Variants in SUPT4H1 observed in about 807,000 individuals in gnomAD.
SUPT4H1 encodes the protein SPT4 homolog, DSIF elongation factor subunit.
SUPT4H1 carries 12 observed loss-of-function variants against 19.4 expected under a neutral mutation model. The ratio of observed to expected loss-of-function variants is 0.62; its 90% CI spans 0.40 to 1.00. SUPT4H1 has a LOEUF of 1.00. Ranked by LOEUF, SUPT4H1 falls within the 50% of genes least tolerant of loss-of-function variation. The probability of loss-of-function intolerance (pLI) is 0.00; values close to 1 mark genes in which losing one functional copy is unlikely to be tolerated. For missense variants in SUPT4H1, 115 were observed against 149.2 expected, an observed-to-expected ratio of 0.77 and a Z score of 1.19; for synonymous variants, 58 against 56.3, an observed-to-expected ratio of 1.03 and a Z score of -0.14.
At chr17:58,350,109 C>T (rs1421255459) in intron 2 of SUPT4H1, among the ~76,000 whole-genome samples, 1 of 152,104 alleles carries the variant, frequency 6.6e-6, no homozygotes, top group Admixed American at 6.5e-5. Flanking sequence ...ATGGCAAAAC[C>T]CTGTCTCTAC....
In SUPT4H1 at chr17:58,345,620, G is replaced by A. The variant is rs114597008; in HGVS notation, c.*626C>T. On this transcript the variant is annotated 3_prime_UTR_variant, in exon 5 of 5. Coordinates refer to ENST00000225504, the MANE Select transcript of SUPT4H1 (RefSeq NM_003168.3). Reference sequence around the variant, plus strand: ...GGAAGAATTATTAAACATGGTCAAGGAGCACTCTACAAAGCCTCAGGATTT... The same window carrying A: ...GGAAGAATTATTAAACATGGTCAAGAAGCACTCTACAAAGCCTCAGGATTT... 2,751 of 152,394 alleles carry A rather than the reference G, an allele frequency of 0.018. 75 individuals carry two copies. The highest frequency in any genetic ancestry group is 0.063 in the African/African-American group (2,592 of 41,464). 9.4% of individuals were successfully genotyped at this position (152,394 alleles called of 1,614,324 possible). A position where few individuals can be genotyped will look rare whatever the true frequency, so the allele number is the denominator to read the frequency against.
chr17:58,346,370 C>CT, intron 4 of SUPT4H1, 57 bp from the exon 5 acceptor site: 3 of 1,445,874 alleles, frequency 2.1e-6, no homozygotes, highest in African/African-American at 2.8e-5. Flanking sequence ...TAAGATAGGC[C>CT]ACTCAGCTGC....
At chr17:58,346,717 T>TCA (rs1972303412) in intron 4 of SUPT4H1, among the ~76,000 whole-genome samples, 1 of 32,722 alleles carries the variant, frequency 3.1e-5, no homozygotes, top group African/African-American at 9.6e-5. Context: ...AGACTCTGTC[T>TCA]CAAAAAAAAA....
rs539608417 is a variant in SUPT4H1 at position 58,345,680 on chromosome 17, C to T, written c.*566G>A. 1.3e-5 allele frequency: 2 copies of T among 152,598 alleles called. No homozygotes were observed. The highest frequency in any genetic ancestry group is 2.9e-5 in the Non-Finnish European group (2 of 68,356). The allele number at this position is 152,598 out of a possible 1,614,324, so 9.5% of individuals were successfully genotyped here. On this transcript the variant is annotated 3_prime_UTR_variant, in exon 5 of 5. Transcript: ENST00000225504. ...ATACTGCTGTGCCAGGTCTCGAGGG[C>T]AGAAGGATACAAGTGTGAGACACCA...
At chr17:58,348,756 T>C (rs1972385256) in intron 2 of SUPT4H1, among the ~76,000 whole-genome samples, 1 of 152,022 alleles carries the variant, frequency 6.6e-6, no homozygotes, top group Non-Finnish European at 1.5e-5. Flanking sequence ...CCCAAACTTC[T>C]TGCCTTAAGA....
chr17:58,346,151 A>G lies in SUPT4H1; in HGVS notation c.*95T>C. 1.0e-6 allele frequency: 1 copy of G among 968,402 alleles called. No individual in the cohort carries two copies. The highest frequency in any genetic ancestry group is 1.7e-6 in the Non-Finnish European group (1 of 599,910). The allele number at this position is 968,402 out of a possible 1,614,324, so 60.0% of individuals were successfully genotyped here. A position where few individuals can be genotyped will look rare whatever the true frequency, so the allele number is the denominator to read the frequency against. ...GTCAGCTGAGTCTGAATTGGAGGGT[A>G]GGAAGTATTTGAAGTTCTGTTCATT... On this transcript the variant is annotated 3_prime_UTR_variant, in exon 5 of 5. Transcript: ENST00000225504.
chr17:58,347,685 C>T, intron 2 of SUPT4H1, 101 bp from the exon 3 acceptor site: 1 of 1,186,462 alleles, frequency 8.4e-7, no homozygotes, highest in Non-Finnish European at 1.2e-6. Flanking sequence ...CGAGTCTCCA[C>T]TGGAAAGCTG....
In SUPT4H1 at chr17:58,351,435, ATCTCTCGGT is replaced by A; in HGVS notation, c.134_142del (p.Asn45_Glu47del). On this transcript the variant is annotated inframe_deletion, in exon 2 of 5. Coordinates refer to ENST00000225504, the MANE Select transcript of SUPT4H1 (RefSeq NM_003168.3). ...GGAAGAGCTAGTGCAGTCATATACCATCTCTCGGTTACCCTTCATTTGTAGATATGCATC... is the reference window on the plus strand; with the variant it reads ...GGAAGAGCTAGTGCAGTCATATACCATACCCTTCATTTGTAGATATGCATC... 6.2e-7 allele frequency: 1 copy of A among 1,613,880 alleles called. No homozygotes were observed. The highest frequency in any genetic ancestry group is 8.5e-7 in the Non-Finnish European group (1 of 1,179,880).
chr17:58,347,360 G>T, intron 3 of SUPT4H1, 119 bp from the exon 4 acceptor site: 1 of 1,360,858 alleles, frequency 7.3e-7, no homozygotes, highest in Non-Finnish European at 1.1e-6. Flanking sequence ...CCCTCTTTTG[G>T]CTACAAGTGT....
At position 58,345,814 on chromosome 17, in the gene SUPT4H1, GGGA is replaced by G. The variant is rs968224242; in HGVS notation, c.*429_*431del. The G allele has an allele frequency of 2.5e-5, 4 of 157,052 alleles. No homozygotes were observed. The highest frequency in any genetic ancestry group is 9.6e-5 in the African/African-American group (4 of 41,498). 9.7% of individuals were successfully genotyped at this position (157,052 alleles called of 1,614,324 possible). ...ATCCCAGAGGCTGAGACAGTCAAGA[GGGA>G]GTAGAAGGGCCTCTGCTGCTCTGGG... On this transcript the variant is annotated 3_prime_UTR_variant, in exon 5 of 5. Transcript: ENST00000225504.
chr17:58,345,410 A>G lies in SUPT4H1; in HGVS notation c.*836T>C, dbSNP rs1174854827. The G allele has an allele frequency of 6.6e-6, 1 of 152,030 alleles. No individual in the cohort carries two copies. Among genetic ancestry groups the G allele is most frequent in the Non-Finnish European group, 1.5e-5 (1 of 68,004 alleles). 9.4% of individuals were successfully genotyped at this position (152,030 alleles called of 1,614,324 possible). On this transcript the variant is annotated 3_prime_UTR_variant, in exon 5 of 5. Coordinates refer to ENST00000225504, the MANE Select transcript of SUPT4H1 (RefSeq NM_003168.3). Reference sequence around the variant, plus strand: ...TAAAACAACTCACCTTGGCCGAAAAATGGGATGTTACCCAAGGTCCCCTAC... The same window carrying G: ...TAAAACAACTCACCTTGGCCGAAAAGTGGGATGTTACCCAAGGTCCCCTAC...
At chr17:58,346,628 C>T (rs1027305596) in intron 4 of SUPT4H1, among the ~76,000 whole-genome samples, 2 of 143,366 alleles carry the variant, frequency 1.4e-5, no homozygotes, top group Non-Finnish European at 1.5e-5. Flanking sequence ...GAGGCTGAGG[C>T]GGGAGGATCC....
intron 1 of SUPT4H1, 162 bp downstream of exon 1, chr17:58,351,905 A>G (rs1469687120): frequency 1.4e-6 from 1 of 711,652 alleles, no homozygotes; most frequent in Non-Finnish European, 2.4e-6. Context: ...CCTGTCCGCG[A>G]TCCTACGAGG....
intron 2 of SUPT4H1, 118 bp from the exon 3 acceptor site, chr17:58,347,702 C>T: frequency 3.1e-6 from 3 of 980,730 alleles, no homozygotes; most frequent in Non-Finnish European, 4.8e-6. Context: ...GCTGGCAAAA[C>T]TGCCTTCTGA....
intron 2 of SUPT4H1, among the ~76,000 whole-genome samples, chr17:58,351,014 T>C (rs1972493290): frequency 6.6e-6 from 1 of 152,224 alleles, no homozygotes; most frequent in Admixed American, 6.5e-5. Context: ...CTTAAAAGCA[T>C]GTCTTAATTT....
intron 2 of SUPT4H1, among the ~76,000 whole-genome samples, chr17:58,350,823 C>T (rs1198328145): frequency 2.0e-5 from 2 of 98,404 alleles, no homozygotes; most frequent in African/African-American, 7.9e-5. Flanking sequence ...GTGGCAAGGG[C>T]GAAAAGTCTG....
Position 58,345,565 on chromosome 17 carries a change from TGAAGA to T in SUPT4H1, c.*676_*680del, listed in dbSNP as rs1213636945. On this transcript the variant is annotated 3_prime_UTR_variant, in exon 5 of 5. Coordinates refer to ENST00000225504, the MANE Select transcript of SUPT4H1 (RefSeq NM_003168.3). ...CTGGCCTAAGGTATAGGAAGAGCCG[TGAAGA>T]GAAGAAAATAGACAAGCAGGGGAGG... is the stretch of plus-strand genomic sequence containing the variant. 6.6e-6 allele frequency: 1 copy of T among 151,880 alleles called. No individual in the cohort carries two copies. Among genetic ancestry groups the T allele is most frequent in the Non-Finnish European group, 1.5e-5 (1 of 68,112 alleles). The allele number at this position is 151,880 out of a possible 1,614,324, so 9.4% of individuals were successfully genotyped here. A position where few individuals can be genotyped will look rare whatever the true frequency, so the allele number is the denominator to read the frequency against.
intron 2 of SUPT4H1, among the ~76,000 whole-genome samples, chr17:58,350,836 CAAAAAAAAAAAA>C (rs35040111): frequency 2.4e-5 from 2 of 81,920 alleles, no homozygotes; most frequent in East Asian, 5.1e-4. Flanking sequence ...AAAGTCTGTC[CAAAAAAAAAAAA>C]AAAAAAAAAG....
Position 58,346,072 on chromosome 17 carries a change from C to G in SUPT4H1, c.*174G>C. 1.7e-6 allele frequency: 1 copy of G among 586,638 alleles called. No individual in the cohort carries two copies. Among genetic ancestry groups the G allele is most frequent in the Non-Finnish European group, 3.0e-6 (1 of 327,952 alleles). The allele number at this position is 586,638 out of a possible 1,614,324, so 36.3% of individuals were successfully genotyped here. Reference sequence around the variant, plus strand: ...CCACCAACCCAAATCCCTCCCACCCCACCTGTAGTCCAAAGAAGATAAAAT... The same window carrying G: ...CCACCAACCCAAATCCCTCCCACCCGACCTGTAGTCCAAAGAAGATAAAAT... On this transcript the variant is annotated 3_prime_UTR_variant, in exon 5 of 5. Coordinates refer to ENST00000225504, the MANE Select transcript of SUPT4H1 (RefSeq NM_003168.3).
Sources: gnomAD v4.1 joint callset for allele counts (sites outside exome capture counted in the v4.1 genomes callset) on GRCh38, gnomAD v4.1.1 for gene constraint, MANE v1.5 for transcripts, NCBI Gene and HGNC (gene_info 2026-07-23, HGNC 2026-07-21) for gene names.